PDCD11: variants seen among roughly 807,000 people sequenced by gnomAD.
PDCD11 encodes the protein programmed cell death 11.
PDCD11 carries 97 observed loss-of-function variants against 198.9 expected under a neutral mutation model. The ratio of observed to expected loss-of-function variants is 0.49; its 90% CI spans 0.41 to 0.58. PDCD11 has a LOEUF of 0.58. PDCD11 is among the 20% of genes least tolerant of loss of function. The pLI, the probability that PDCD11 is intolerant of heterozygous loss-of-function variation, is 0.00. For missense variants in PDCD11, 2,102 were observed against 2,312.7 expected (o/e 0.91, Z 1.87); for synonymous variants, 893 against 918.0 (o/e 0.97, Z 0.49).
intron 25 of PDCD11, among the ~76,000 whole-genome samples, chr10:103,435,811 C>A (rs538035981): frequency 2.0e-5 from 3 of 152,104 alleles, no homozygotes; most frequent in Non-Finnish European, 4.4e-5. Flanking sequence ...CGGTGCCTGG[C>A]CCTTTTGCAT....
At chr10:103,443,673 A>C (rs1358876192) in intron 33 of PDCD11, among the ~76,000 whole-genome samples, 1 of 152,126 alleles carries the variant, frequency 6.6e-6, no homozygotes, top group African/African-American at 2.4e-5. Flanking sequence ...CTCATGTTCT[A>C]GGCTAGGACC....
chr10:103,414,854 G>A, intron 11 of PDCD11, 151 bp from the exon 12 acceptor site: 1 of 692,658 alleles, frequency 1.4e-6, no homozygotes, highest in Admixed American at 2.3e-5. Flanking sequence ...TCAGTGTGGG[G>A]TGTGTGCTTC....
chr10:103,407,879 C>T (rs1455787290), intron 7 of PDCD11, among the ~76,000 whole-genome samples: 2 of 151,882 alleles, frequency 1.3e-5, no homozygotes. Context: ...CCACCACACC[C>T]GGCTGGTTTT....
At chr10:103,400,989 A>G (rs1407188899) in intron 3 of PDCD11, among the ~76,000 whole-genome samples, 1 of 152,184 alleles carries the variant, frequency 6.6e-6, no homozygotes, top group Non-Finnish European at 1.5e-5. Context: ...TCCTGTGCTC[A>G]AGCAATCCTC....
chr10:103,422,048 G>A (rs1046090868), intron 17 of PDCD11, among the ~76,000 whole-genome samples: 2 of 132,890 alleles, frequency 1.5e-5, no homozygotes, highest in South Asian at 2.3e-4. Context: ...TGCATAAAGT[G>A]CACAATTTTA....
Position 103,438,045 on chromosome 10 carries a change from A to G in PDCD11, c.3876A>G (p.Val1292=). The change falls in exon 26 of 36, where the codon GTA becomes GTG. Residue 1292 remains valine (V), a synonymous_variant. Coordinates refer to ENST00000369797, the MANE Select transcript of PDCD11 (RefSeq NM_014976.2). ...ACATCCTGTCCACTGCAGACAACGT[A>G]TTGACTTTGTCGCTGCGATCATCCA... The part of the protein sequence containing the change: ...RCYILSTADN[V]LTLSLRSSRT... The G allele has an allele frequency of 2.5e-6, 4 of 1,613,646 alleles. No individual in the cohort carries two copies. The highest frequency in any genetic ancestry group is 2.2e-5 in the East Asian group (1 of 44,884).
intron 1 of PDCD11, among the ~76,000 whole-genome samples, chr10:103,398,162 G>A (rs2093447146): frequency 2.0e-5 from 3 of 152,232 alleles, no homozygotes; most frequent in Admixed American, 2.0e-4. Context: ...TAGCTTCTTA[G>A]TGAGTATGTG....
chr10:103,432,964 A>G (rs1392018120), intron 22 of PDCD11, among the ~76,000 whole-genome samples: 1 of 152,024 alleles, frequency 6.6e-6, no homozygotes, highest in Admixed American at 6.6e-5. Flanking sequence ...TTCTATTCCA[A>G]TTGCCTACTG....
At chr10:103,415,302 C>T in intron 12 of PDCD11, 151 bp downstream of exon 12, 1 of 745,876 alleles carries the variant, frequency 1.3e-6, no homozygotes, top group Non-Finnish European at 2.2e-6. Flanking sequence ...AAAGTGAGTC[C>T]CCGTTTTGTG....
At chr10:103,412,510 CG>C (rs1230525317) in intron 8 of PDCD11, among the ~76,000 whole-genome samples, 1 of 152,082 alleles carries the variant, frequency 6.6e-6, no homozygotes, top group East Asian at 1.9e-4. Flanking sequence ...TTAGTAGAGA[CG>C]GGGTTTCACT....
At chr10:103,408,862 C>A (rs1235055656) in intron 7 of PDCD11, among the ~76,000 whole-genome samples, 1 of 152,110 alleles carries the variant, frequency 6.6e-6, no homozygotes, top group African/African-American at 2.4e-5. Flanking sequence ...TTTAACTTTC[C>A]TGTCAGGAAC....
chr10:103,410,859 A>T (rs974851346), intron 8 of PDCD11, among the ~76,000 whole-genome samples: 42 of 151,762 alleles, frequency 2.8e-4, no homozygotes, highest in Non-Finnish European at 5.9e-5. Flanking sequence ...GAGGATCACA[A>T]GGTCAGGAGT....
chr10:103,406,255 A>G, intron 6 of PDCD11, 147 bp downstream of exon 6: 1 of 888,820 alleles, frequency 1.1e-6, no homozygotes, highest in Non-Finnish European at 1.7e-6. Flanking sequence ...ATCCTAGTTA[A>G]TAGGAAAGGA....
intron 8 of PDCD11, among the ~76,000 whole-genome samples, chr10:103,410,167 C>T (rs973890767): frequency 6.6e-6 from 1 of 150,770 alleles, no homozygotes; most frequent in Non-Finnish European, 1.5e-5. Flanking sequence ...CCCGGGAGGC[C>T]GAGGTTGCAG....
intron 5 of PDCD11, 66 bp from the exon 6 acceptor site, chr10:103,405,919 T>C: frequency 3.2e-6 from 5 of 1,558,494 alleles, no homozygotes; most frequent in Non-Finnish European, 4.4e-6. Context: ...CATTCAAGTT[T>C]GGATGTTTTG....
In PDCD11 at chr10:103,425,287, C is replaced by G; in HGVS notation, c.3067C>G (p.Leu1023Val). 6.2e-7 allele frequency: 1 copy of G among 1,614,166 alleles called. No individual in the cohort carries two copies. The highest frequency in any genetic ancestry group is 8.5e-7 in the Non-Finnish European group (1 of 1,180,042). The stretch of plus-strand genomic sequence containing the variant: ...TGAGGATGAAGAAGTGGATCCAGCT[C>G]TGACTGTAGGGACCATAAAGAAGCA... ...VDEDEEVDPA[L>V]TVGTIKKHTL... Residue 1023 changes from leucine to valine, a missense_variant, in exon 20 of 36, where the codon CTG becomes GTG. Leu to Val is a conservative substitution (Grantham distance 32). Coordinates refer to ENST00000369797, the MANE Select transcript of PDCD11 (RefSeq NM_014976.2).
chr10:103,413,320 C>G lies in PDCD11; in HGVS notation c.1183C>G (p.Arg395Gly). ...RLKDGVLAYA[R>G]LSHLSDSKNV... is the part of the protein sequence containing the mutation. ...GAAGGATGGGGTTCTGGCCTATGCC[C>G]GGGTAAGGAGGCCTCTTTGTTTGGT... Residue 395 changes from arginine (R) to glycine (G), a missense_variant and splice_region_variant, in exon 9 of 36, where the codon CGG becomes GGG. Coordinates refer to ENST00000369797, the MANE Select transcript of PDCD11 (RefSeq NM_014976.2). The G allele has an allele frequency of 6.2e-7, 1 of 1,613,458 alleles. No homozygotes were observed. Among genetic ancestry groups the G allele is most frequent in the South Asian group, 1.1e-5 (1 of 91,056 alleles).
chr10:103,421,229 TG>T (rs1564766779), intron 16 of PDCD11, 118 bp from the exon 17 acceptor site: 3 of 726,122 alleles, frequency 4.1e-6, no homozygotes, highest in Admixed American at 2.2e-5. Flanking sequence ...AGAGAGGGCT[TG>T]GGGGAGCTTC....
At chr10:103,445,027 A>G (rs576021943) in intron 35 of PDCD11, among the ~76,000 whole-genome samples, 30 of 152,310 alleles carry the variant, frequency 2.0e-4, no homozygotes, top group African/African-American at 7.0e-4. Context: ...AGATGAGTAG[A>G]CTGAGGTCCA....
Sources: gnomAD v4.1 joint callset for allele counts (sites outside exome capture counted in the v4.1 genomes callset) on GRCh38, gnomAD v4.1.1 for gene constraint, MANE v1.5 for transcripts, NCBI Gene and HGNC (gene_info 2026-07-23, HGNC 2026-07-21) for gene names.